The following RTN4RL1 variants were observed in gnomAD, a reference collection of about 807,000 sequenced individuals.
RTN4RL1 encodes the protein reticulon 4 receptor like 1.
A neutral mutation model predicts 25.6 loss-of-function variants in RTN4RL1; 7 were observed. The observed-to-expected ratio is 0.27, with a 90% CI of 0.16 to 0.51. RTN4RL1 has a LOEUF of 0.51. Among genes scored for constraint, RTN4RL1 ranks in the 20% least tolerant of loss-of-function variants. The pLI is 0.97. For synonymous variants in RTN4RL1, 297 were observed against 288.2 expected (o/e 1.03, Z -0.31); for missense variants, 500 against 615.6 (o/e 0.81, Z 1.99).
chr17:2,002,347 C>T (rs938138504), intron 1 of RTN4RL1, among the ~76,000 whole-genome samples: 22 of 149,698 alleles, frequency 1.5e-4, no homozygotes, highest in Non-Finnish European at 3.1e-4. Context: ...GGCTGGAGTG[C>T]AGTGGCGCGA....
intron 1 of RTN4RL1, among the ~76,000 whole-genome samples, chr17:1,949,988 AG>A (rs1915640185): frequency 6.6e-6 from 1 of 152,246 alleles, no homozygotes; most frequent in Non-Finnish European, 1.5e-5. Context: ...ACAAGGGCAG[AG>A]GGGCAGGAGA....
At chr17:2,000,551 T>C (rs2066952284) in intron 1 of RTN4RL1, among the ~76,000 whole-genome samples, 1 of 151,934 alleles carries the variant, frequency 6.6e-6, no homozygotes, top group Admixed American at 6.6e-5. Context: ...TTGAGACTGA[T>C]TTTCGCTTTT....
chr17:1,974,239 A>T (rs1597503961), intron 1 of RTN4RL1, among the ~76,000 whole-genome samples: 1 of 152,262 alleles, frequency 6.6e-6, no homozygotes, highest in African/African-American at 2.4e-5. Context: ...ACTTGTCTGC[A>T]GTCCCAGATG....
chr17:1,975,279 C>T (rs992183145), intron 1 of RTN4RL1, among the ~76,000 whole-genome samples: 2 of 152,196 alleles, frequency 1.3e-5, no homozygotes, highest in African/African-American at 4.8e-5. Context: ...TCCACCCTGA[C>T]TGGCTTCTTC....
At chr17:2,007,278 C>T (rs1321227762) in intron 1 of RTN4RL1, among the ~76,000 whole-genome samples, 1 of 151,870 alleles carries the variant, frequency 6.6e-6, no homozygotes, top group East Asian at 1.9e-4. Context: ...TGTACACCTT[C>T]CTCCTCTGGA....
At chr17:2,011,781 T>C (rs1373412589) in intron 1 of RTN4RL1, among the ~76,000 whole-genome samples, 2 of 152,146 alleles carry the variant, frequency 1.3e-5, no homozygotes, top group Non-Finnish European at 2.9e-5. Context: ...AAGATGATCA[T>C]TGCCACAATC....
Position 1,935,915 on chromosome 17 carries a change from G to A in RTN4RL1, c.*581C>T, listed in dbSNP as rs1013946642. Reference sequence around the variant, plus strand: ...AGCAGTTGGACCTGGGTCTGCCAGGGTTGCCTGAGACATCAGGAATGAGAG... The same window carrying A: ...AGCAGTTGGACCTGGGTCTGCCAGGATTGCCTGAGACATCAGGAATGAGAG... On this transcript the variant is annotated 3_prime_UTR_variant, in exon 2 of 2. Coordinates refer to ENST00000331238, the MANE Select transcript of RTN4RL1 (RefSeq NM_178568.4). 3.0e-6 allele frequency: 3 copies of A among 985,492 alleles called. No homozygotes were observed. In the African/African-American group the frequency reaches 5.3e-5, roughly 17 times the overall value. The allele number at this position is 985,492 out of a possible 1,614,324, so 61.0% of individuals were successfully genotyped here.
At chr17:2,005,183 G>A (rs2066984799) in intron 1 of RTN4RL1, among the ~76,000 whole-genome samples, 3 of 151,828 alleles carry the variant, frequency 2.0e-5, no homozygotes, top group Non-Finnish European at 2.9e-5. Flanking sequence ...TGTTTTTCAC[G>A]TTTTGTGGAG....
In RTN4RL1 at chr17:1,961,773, C is replaced by CAAAAAA. The variant is rs1163170575; in HGVS notation, c.14-23971_14-23966dup. ...TGAAACCCTGTCTCCACTAAAAATA[C>CAAAAAA]AAAAAAAAAAAAAAAAAAAAAAAAA... is the stretch of plus-strand genomic sequence containing the variant. On this transcript the variant is annotated intron_variant, in intron 1 of 1. Transcript: ENST00000331238. 1.6e-3 allele frequency among the ~76,000 whole-genome samples: 88 copies of CAAAAAA among 55,582 alleles called. 3 individuals are homozygous for CAAAAAA. The highest frequency in any genetic ancestry group is 5.3e-3 in the East Asian group (10 of 1,886). The allele number at this position is 55,582 out of a possible 152,430, so 36.5% of individuals were successfully genotyped here.
intron 1 of RTN4RL1, among the ~76,000 whole-genome samples, chr17:1,960,914 C>T (rs1017912428): frequency 9.9e-5 from 15 of 152,206 alleles, no homozygotes; most frequent in African/African-American, 3.4e-4. Context: ...AAGTCACCTC[C>T]CTGTCTCCAG....
chr17:1,980,113 G>GTTTGGAACTCCTGGGCTCA (rs2066860936), intron 1 of RTN4RL1, among the ~76,000 whole-genome samples: 3 of 151,930 alleles, frequency 2.0e-5, no homozygotes, highest in African/African-American at 7.3e-5. Flanking sequence ...GCCCAGCCTG[G>GTTTGGAACTCCTGGGCTCA]AGTGCAGTGC....
chr17:1,954,734 GCGT>G, intron 1 of RTN4RL1, among the ~76,000 whole-genome samples: 1 of 152,258 alleles, frequency 6.6e-6, no homozygotes, highest in East Asian at 1.9e-4. Context: ...GCACTGCTGC[GCGT>G]CCAACTGGTT....
Position 1,966,727 on chromosome 17 carries a change from C to T in RTN4RL1, c.14-28919G>A, listed in dbSNP as rs577090202. Among the ~76,000 whole-genome samples, 112 of 152,274 alleles carry T rather than the reference C, an allele frequency of 7.4e-4. 1 individual carries two copies. Among genetic ancestry groups the T allele is most frequent in the Middle Eastern group, 3.4e-3 (1 of 294 alleles). On this transcript the variant is annotated intron_variant, in intron 1 of 1. Transcript: ENST00000331238. ...AGAGGACACAGAGATCCTCTGCCCT[C>T]TGCTTCTCTCCAGAACCGGTTCTGT... is the stretch of plus-strand genomic sequence containing the variant.
intron 1 of RTN4RL1, among the ~76,000 whole-genome samples, chr17:1,974,313 C>T (rs916188529): frequency 9.2e-5 from 14 of 151,982 alleles, no homozygotes; most frequent in African/African-American, 3.4e-4. Context: ...ATGGCTTGAG[C>T]CCAGGAGGTG....
intron 1 of RTN4RL1, among the ~76,000 whole-genome samples, chr17:1,997,120 T>C (rs937919914): frequency 3.6e-4 from 55 of 152,232 alleles, no homozygotes; most frequent in Non-Finnish European, 1.8e-4. Context: ...ATGTCATTCC[T>C]TTGCTTAAAA....
At chr17:2,023,361 G>C (rs2067234124) in intron 1 of RTN4RL1, among the ~76,000 whole-genome samples, 1 of 152,222 alleles carries the variant, frequency 6.6e-6, no homozygotes, top group South Asian at 2.1e-4. Context: ...CCTGGGGTGT[G>C]TCTGCGAAGC....
Position 2,024,987 on chromosome 17 carries a change from G to T in RTN4RL1, c.-122C>A. ...CGCGTCGAGGCGGGGGCAAGCCGGGGATCCGCTCGTGCCCGGTGGCCCGGC... is the reference window on the plus strand; with the variant it reads ...CGCGTCGAGGCGGGGGCAAGCCGGGTATCCGCTCGTGCCCGGTGGCCCGGC... On this transcript the variant is annotated 5_prime_UTR_variant, in exon 1 of 2. Transcript: ENST00000331238. 9.0e-7 allele frequency: 1 copy of T among 1,109,350 alleles called. No individual in the cohort carries two copies. The highest frequency in any genetic ancestry group is 1.4e-5 in the South Asian group (1 of 70,234). The allele number at this position is 1,109,350 out of a possible 1,614,324, so 68.7% of individuals were successfully genotyped here.
At chr17:1,989,326 G>A (rs2066899959) in intron 1 of RTN4RL1, among the ~76,000 whole-genome samples, 1 of 151,258 alleles carries the variant, frequency 6.6e-6, no homozygotes, top group African/African-American at 2.4e-5. Flanking sequence ...TATTAATGTG[G>A]CCAAAAATTA....
At chr17:2,000,857 G>C (rs1374917315) in intron 1 of RTN4RL1, among the ~76,000 whole-genome samples, 1 of 151,992 alleles carries the variant, frequency 6.6e-6, no homozygotes, top group Admixed American at 6.6e-5. Context: ...CAGCAGCCTT[G>C]GGCAAGGCTC....
Sources: allele counts gnomAD v4.1 joint callset (sites outside exome capture counted in the v4.1 genomes callset), GRCh38; gene constraint gnomAD v4.1.1; transcripts MANE v1.5; gene names NCBI Gene and HGNC (gene_info 2026-07-23, HGNC 2026-07-21).